CCDC141: variants seen among roughly 807,000 people sequenced by gnomAD.
CCDC141 encodes the protein coiled-coil domain-containing protein 141.
CCDC141 carries 168 observed loss-of-function variants against 181.0 expected under a neutral mutation model. The ratio of observed to expected loss-of-function variants is 0.93; its 90% CI spans 0.82 to 1.05. CCDC141 has a LOEUF of 1.05. CCDC141 is among the 50% of genes least tolerant of loss of function. The pLI, the probability that CCDC141 is intolerant of heterozygous loss-of-function variation, is 0.00. For missense variants in CCDC141, 1,902 were observed against 1,788.5 expected, an observed-to-expected ratio of 1.06 and a Z score of -1.14; for synonymous variants, 666 against 642.3, an observed-to-expected ratio of 1.04 and a Z score of -0.56.
At chr2:178,919,022 G>C (rs1688575120) in intron 6 of CCDC141, 115 bp from the exon 7 acceptor site, 1 of 960,778 alleles carries the variant, frequency 1.0e-6, no homozygotes, top group South Asian at 1.8e-5. Flanking sequence ...ATATTAGGAA[G>C]TAGGGCTTTG....
intron 14 of CCDC141, 119 bp downstream of exon 14, chr2:178,871,308 A>G: frequency 8.4e-7 from 1 of 1,197,332 alleles, no homozygotes; most frequent in South Asian, 1.6e-5. Context: ...TAGACAAGCA[A>G]TACTTTTGTT....
At chr2:178,975,670 T>G (rs556443397) in intron 3 of CCDC141, among the ~76,000 whole-genome samples, 1 of 152,242 alleles carries the variant, frequency 6.6e-6, no homozygotes, top group African/African-American at 2.4e-5. Flanking sequence ...AAAATTGAAC[T>G]TAGCAGTGAA....
At chr2:178,948,206 A>AT (rs1214871925) in intron 5 of CCDC141, among the ~76,000 whole-genome samples, 3 of 149,202 alleles carry the variant, frequency 2.0e-5, no homozygotes, top group Non-Finnish European at 3.0e-5. Context: ...TATCTCAATA[A>AT]AAAAAAAAAA....
Position 179,050,041 on chromosome 2 carries a change from A to T in CCDC141, c.-100T>A. The T allele has an allele frequency of 6.6e-7, 1 of 1,525,098 alleles. No individual in the cohort carries two copies. Among genetic ancestry groups the T allele is most frequent in the Non-Finnish European group, 8.8e-7 (1 of 1,133,086 alleles). 94.5% of individuals were successfully genotyped at this position (1,525,098 alleles called of 1,614,324 possible). The stretch of plus-strand genomic sequence containing the variant: ...CAGGGTTACTTGGATTCATTCAGGG[A>T]AAGAGCTCAGCTCACACTGATTACT... On this transcript the variant is annotated 5_prime_UTR_variant, in exon 1 of 24. Coordinates refer to ENST00000443758, the MANE Select transcript of CCDC141 (RefSeq NM_173648.4).
At chr2:178,828,991 G>A (rs547701147), downstream of CCDC141, among the ~76,000 whole-genome samples, 4 of 152,210 alleles carry the variant, frequency 2.6e-5, no homozygotes, top group Non-Finnish European at 5.9e-5. Flanking sequence ...CCTAGTTCTG[G>A]AGCTGCTATT....
At chr2:178,913,926 T>C (rs987118508) in intron 7 of CCDC141, among the ~76,000 whole-genome samples, 2 of 152,174 alleles carry the variant, frequency 1.3e-5, no homozygotes, top group African/African-American at 2.4e-5. Flanking sequence ...CAGTTTTGGG[T>C]TCAATTGCAG....
the CCDC141 span, among the ~76,000 whole-genome samples, chr2:178,818,073 G>A: frequency 1.3e-5 from 2 of 152,102 alleles, no homozygotes; most frequent in African/African-American, 4.8e-5. Flanking sequence ...AAAGTGCTGG[G>A]ATTACAGGCG....
intron 2 of CCDC141, chr2:179,002,416 C>T: frequency 2.8e-6 from 1 of 358,774 alleles, no homozygotes; most frequent in Non-Finnish European, 5.4e-6. Flanking sequence ...AAGGATGTTC[C>T]TGGACTGACT....
At chr2:178,973,246 C>T (rs1690978779) in intron 4 of CCDC141, among the ~76,000 whole-genome samples, 1 of 152,070 alleles carries the variant, frequency 6.6e-6, no homozygotes, top group Admixed American at 6.6e-5. Flanking sequence ...TTGAAGCCAC[C>T]ACTGGGCATA....
chr2:178,867,978 A>G, intron 16 of CCDC141, 48 bp downstream of exon 16: 1 of 1,473,130 alleles, frequency 6.8e-7, no homozygotes, highest in Non-Finnish European at 9.3e-7. Context: ...TGCTAGCCCA[A>G]GCCCCAGCTA....
intron 11 of CCDC141, among the ~76,000 whole-genome samples, chr2:178,878,671 A>T (rs2154369841): frequency 6.6e-6 from 1 of 152,258 alleles, no homozygotes; most frequent in East Asian, 1.9e-4. Context: ...TATTGAAAAG[A>T]TTCAAAAAAT....
At chr2:178,974,680 A>C (rs1176506214) in intron 4 of CCDC141, among the ~76,000 whole-genome samples, 1 of 152,156 alleles carries the variant, frequency 6.6e-6, no homozygotes, top group Non-Finnish European at 1.5e-5. Flanking sequence ...GACCCTTAGA[A>C]GGAACATTCA....
At chr2:178,897,260 C>T (rs577792301) in intron 8 of CCDC141, among the ~76,000 whole-genome samples, 1 of 152,310 alleles carries the variant, frequency 6.6e-6, no homozygotes, top group East Asian at 1.9e-4. Flanking sequence ...GGACACTTCA[C>T]CTGTCACATT....
Position 178,886,879 on chromosome 2 carries a change from A to G in CCDC141, c.1408-8T>C. 7.2e-7 allele frequency: 1 copy of G among 1,393,354 alleles called. No homozygotes were observed. The highest frequency in any genetic ancestry group is 9.3e-7 in the Non-Finnish European group (1 of 1,071,968). 86.3% of individuals were successfully genotyped at this position (1,393,354 alleles called of 1,614,324 possible). A position where few individuals can be genotyped will look rare whatever the true frequency, so the allele number is the denominator to read the frequency against. ...CTGAATTGACATTTCCACCTTTAGG[A>G]GTGAATAATATATGGCAGTCTTAGT... On this transcript the variant is annotated splice_region_variant and splice_polypyrimidine_tract_variant and intron_variant, in intron 9 of 23. Coordinates refer to ENST00000443758, the MANE Select transcript of CCDC141 (RefSeq NM_173648.4).
At chr2:178,948,827 T>C (rs1689836359) in intron 5 of CCDC141, among the ~76,000 whole-genome samples, 1 of 152,178 alleles carries the variant, frequency 6.6e-6, no homozygotes, top group African/African-American at 2.4e-5. Flanking sequence ...CCGCCATGGG[T>C]GAAAGCAGCC....
Position 178,863,618 on chromosome 2 carries a change from C to T in CCDC141, c.2724+2149G>A, listed in dbSNP as rs183206163. On this transcript the variant is annotated intron_variant, in intron 17 of 23. Transcript: ENST00000443758. ...CACATATTTTTATTTTCCTAAGGGA[C>T]ACGGAAAATATTCCTTCTGATTATT... 2.0e-5 allele frequency among the ~76,000 whole-genome samples: 3 copies of T among 152,260 alleles called. No individual in the cohort carries two copies. The East Asian group carries it at 5.8e-4, about 29-fold the overall frequency.
the CCDC141 span, among the ~76,000 whole-genome samples, chr2:178,814,998 G>C: frequency 6.6e-6 from 1 of 151,918 alleles, no homozygotes; most frequent in Non-Finnish European, 1.5e-5. Context: ...CAGGAACAGA[G>C]GAAAGGCCAT....
At chr2:178,824,061 A>AACAC in the CCDC141 span, among the ~76,000 whole-genome samples, 2,292 of 147,492 alleles carry the variant, frequency 0.016, 20 homozygotes, top group Admixed American at 0.02. Flanking sequence ...TACAGAGAAA[A>AACAC]ACACACACAC....
intron 2 of CCDC141, among the ~76,000 whole-genome samples, chr2:179,026,948 A>G (rs2042863043): frequency 6.6e-6 from 1 of 152,220 alleles, no homozygotes; most frequent in African/African-American, 2.4e-5. Context: ...TCCCATTTGG[A>G]ATGGCTGTAT....
Sources: allele counts gnomAD v4.1 joint callset (sites outside exome capture counted in the v4.1 genomes callset), GRCh38; gene constraint gnomAD v4.1.1; transcripts MANE v1.5; gene names NCBI Gene and HGNC (gene_info 2026-07-23, HGNC 2026-07-21).